MGAT5: variants seen among roughly 807,000 people sequenced by gnomAD.
MGAT5 encodes alpha-1,6-mannosylglycoprotein 6-beta-N-acetylglucosaminyltransferase.
Under a neutral mutation model 94.3 loss-of-function variants are expected in MGAT5, and 30 were observed. That is an observed-to-expected ratio of 0.32 (90% CI 0.24 to 0.43). MGAT5 has a LOEUF of 0.43. Among genes scored for constraint, MGAT5 ranks in the 20% least tolerant of loss-of-function variants. The pLI is 1.00. For synonymous variants in MGAT5, 310 were observed against 322.9 expected (o/e 0.96, Z 0.43); for missense variants, 691 against 905.5 (o/e 0.76, Z 3.04).
intron 10 of MGAT5, among the ~76,000 whole-genome samples, chr2:134,388,923 G>A (rs1430421457): frequency 1.3e-5 from 2 of 151,980 alleles, no homozygotes; most frequent in Non-Finnish European, 2.9e-5. Context: ...ACCACATCTG[G>A]CCAATTTTTG....
intron 1 of MGAT5, among the ~76,000 whole-genome samples, chr2:134,185,964 A>T (rs1223253025): frequency 6.6e-6 from 1 of 152,166 alleles, no homozygotes. Context: ...AGAGCCTGTG[A>T]TATTTGGGTT....
chr2:134,398,169 A>C (rs930188330), intron 10 of MGAT5, among the ~76,000 whole-genome samples: 1 of 152,208 alleles, frequency 6.6e-6, no homozygotes, highest in Non-Finnish European at 1.5e-5. Flanking sequence ...TTGAACATCC[A>C]TATTCCCGAA....
intron 2 of MGAT5, among the ~76,000 whole-genome samples, chr2:134,280,752 G>A (rs1057054221): frequency 6.6e-6 from 1 of 152,224 alleles, no homozygotes; most frequent in African/African-American, 2.4e-5. Context: ...ATAAGAGCCT[G>A]TACCATGGTA....
intron 2 of MGAT5, among the ~76,000 whole-genome samples, chr2:134,272,437 G>T (rs924026811): frequency 2.0e-5 from 3 of 151,008 alleles, no homozygotes; most frequent in African/African-American, 7.3e-5. Flanking sequence ...AACCTCATTT[G>T]CATGTCTTTG....
At chr2:134,356,974 A>G (rs1015449898) in intron 9 of MGAT5, among the ~76,000 whole-genome samples, 2 of 151,964 alleles carry the variant, frequency 1.3e-5, no homozygotes, top group African/African-American at 4.8e-5. Flanking sequence ...ATTGCTACCC[A>G]GTATTTATGT....
intron 1 of MGAT5, among the ~76,000 whole-genome samples, chr2:134,189,135 C>G (rs1319002734): frequency 1.3e-5 from 2 of 152,212 alleles, no homozygotes; most frequent in Non-Finnish European, 2.9e-5. Context: ...GGTTTCGTTA[C>G]ATAGGCAGGA....
chr2:134,215,663 T>C (rs910576854), intron 1 of MGAT5, among the ~76,000 whole-genome samples: 2 of 152,208 alleles, frequency 1.3e-5, no homozygotes, highest in African/African-American at 4.8e-5. Flanking sequence ...GCAACTGAAG[T>C]CAGCTAAACT....
intron 1 of MGAT5, among the ~76,000 whole-genome samples, chr2:134,237,907 C>T (rs138771219): frequency 0.01 from 1,523 of 151,786 alleles, 18 homozygotes; most frequent in African/African-American, 0.034. Flanking sequence ...TGTGCTACCA[C>T]GCTCAGCTAA....
intron 10 of MGAT5, among the ~76,000 whole-genome samples, chr2:134,397,236 A>G (rs34239772): frequency 0.38 from 57,185 of 152,074 alleles, 11,024 homozygotes; most frequent in Middle Eastern, 0.65. Context: ...CCTACAGACA[A>G]TGTCTTAGCC....
intron 8 of MGAT5, among the ~76,000 whole-genome samples, chr2:134,347,577 CA>C (rs1168442486): frequency 1.3e-5 from 2 of 151,962 alleles, no homozygotes; most frequent in Admixed American, 6.6e-5. Context: ...AACCGCAGAC[CA>C]AAAATATCTG....
chr2:134,421,968 G>C (rs1421368506), intron 12 of MGAT5, among the ~76,000 whole-genome samples: 1 of 150,334 alleles, frequency 6.7e-6, no homozygotes, highest in Non-Finnish European at 1.5e-5. Flanking sequence ...AGGAGTTTGA[G>C]ACCCACCTGG....
chr2:134,307,645 C>T (rs1686412518), intron 2 of MGAT5, among the ~76,000 whole-genome samples: 1 of 152,084 alleles, frequency 6.6e-6, no homozygotes, highest in African/African-American at 2.4e-5. Context: ...TACCCTGAGT[C>T]CCCTGCTTTA....
intron 1 of MGAT5, among the ~76,000 whole-genome samples, chr2:134,215,800 G>A (rs934548350): frequency 6.6e-6 from 1 of 152,198 alleles, no homozygotes; most frequent in Admixed American, 6.6e-5. Flanking sequence ...TTCCTAAGCA[G>A]TTGTATCAAT....
exon 1 of MGAT5, chr2:134,120,210 G>T (rs1685498758): frequency 3.1e-6 from 1 of 318,352 alleles, no homozygotes; most frequent in Admixed American, 5.0e-5. Context: ...GCAGGCTCGG[G>T]GCGTCGCGAC....
chr2:134,430,223 C>T (rs1285667526), intron 14 of MGAT5, among the ~76,000 whole-genome samples: 2 of 152,220 alleles, frequency 1.3e-5, no homozygotes, highest in African/African-American at 2.4e-5. Context: ...CCTGTCTCCA[C>T]GTCCTCTTAG....
chr2:134,323,245 G>A (rs1687437704), intron 4 of MGAT5, among the ~76,000 whole-genome samples: 2 of 152,136 alleles, frequency 1.3e-5, no homozygotes, highest in African/African-American at 4.8e-5. Flanking sequence ...GTCTGACGCT[G>A]TACTAGAGAT....
At chr2:134,155,819 A>C (rs1687447153) in intron 1 of MGAT5, among the ~76,000 whole-genome samples, 1 of 151,804 alleles carries the variant, frequency 6.6e-6, no homozygotes, top group African/African-American at 2.4e-5. Flanking sequence ...TCTTTTTCTG[A>C]GAAAGCTTCC....
At chr2:134,286,854 T>C (rs932008064) in intron 2 of MGAT5, among the ~76,000 whole-genome samples, 4 of 152,184 alleles carry the variant, frequency 2.6e-5, no homozygotes, top group Non-Finnish European at 4.4e-5. Flanking sequence ...ACCTCTGCTT[T>C]TCAGAGTCAT....
intron 4 of MGAT5, among the ~76,000 whole-genome samples, chr2:134,331,819 T>G (rs990419534): frequency 2.0e-5 from 3 of 152,114 alleles, no homozygotes; most frequent in Non-Finnish European, 4.4e-5. Flanking sequence ...AGAACCATTT[T>G]CAGGTCAAGA....
Sources: allele counts gnomAD v4.1 joint callset (sites outside exome capture counted in the v4.1 genomes callset), GRCh38; gene constraint gnomAD v4.1.1; transcripts MANE v1.5; gene names NCBI Gene and HGNC (gene_info 2026-07-23, HGNC 2026-07-21).